Variants in ADARB2 observed in about 807,000 individuals in gnomAD.
ADARB2 encodes inactive double-stranded RNA-specific editase B2.
ADARB2 carries 25 observed loss-of-function variants against 62.2 expected under a neutral mutation model. The ratio of observed to expected loss-of-function variants is 0.40; its 90% CI spans 0.29 to 0.56. The LOEUF (loss-of-function observed/expected upper bound fraction) is 0.56, where lower values mean the gene tolerates loss of function less well. Ranked by LOEUF, ADARB2 falls within the 20% of genes least tolerant of loss-of-function variation. The pLI is 0.43. For synonymous variants in ADARB2, 572 were observed against 500.8 expected (o/e 1.14, Z -1.90); for missense variants, 1,071 against 1,077.4 (o/e 0.99, Z 0.08).
At chr10:1,710,259 A>C (rs1020792961) in intron 1 of ADARB2, among the ~76,000 whole-genome samples, 2 of 152,140 alleles carry the variant, frequency 1.3e-5, no homozygotes, top group African/African-American at 4.8e-5. Flanking sequence ...TTTCCCCCTC[A>C]TCATCTCTGA....
At chr10:1,421,240 C>G (rs1041758090) in intron 1 of ADARB2, among the ~76,000 whole-genome samples, 4 of 151,764 alleles carry the variant, frequency 2.6e-5, no homozygotes, top group Non-Finnish European at 5.9e-5. Context: ...ACCTGCCCGT[C>G]GGTTCCATAG....
chr10:1,318,704 A>G (rs1831765361), intron 3 of ADARB2, among the ~76,000 whole-genome samples: 1 of 152,150 alleles, frequency 6.6e-6, no homozygotes, highest in Non-Finnish European at 1.5e-5. Context: ...TGACCTCTAA[A>G]GTGTTGTCAA....
At chr10:1,692,197 G>T (rs1304028541) in intron 1 of ADARB2, among the ~76,000 whole-genome samples, 1 of 152,218 alleles carries the variant, frequency 6.6e-6, no homozygotes, top group Non-Finnish European at 1.5e-5. Context: ...TCACCTAAAA[G>T]CATCACATGG....
rs12098285 is a variant in ADARB2, at chr10:1,230,326, A to G, written c.1513+3368T>C. On this transcript the variant is annotated intron_variant, in intron 6 of 9. Transcript: ENST00000381312. ...ATAGGAGGGAGGCAGTGCCAGCTGC[A>G]GACCTCTGGGAACAGTGCAAACTGG... is the stretch of plus-strand genomic sequence containing the variant. 1.2e-3 allele frequency among the ~76,000 whole-genome samples: 185 copies of G among 152,308 alleles called. 1 individual carries two copies. The highest frequency in any genetic ancestry group is 4.3e-3 in the African/African-American group (178 of 41,574).
chr10:1,571,211 C>T (rs1306833290), intron 1 of ADARB2, among the ~76,000 whole-genome samples: 4 of 152,048 alleles, frequency 2.6e-5, no homozygotes, highest in African/African-American at 9.7e-5. Flanking sequence ...GCAAAGGAGA[C>T]ACACACTTTA....
At chr10:1,330,556 C>A (rs999064201) in intron 3 of ADARB2, among the ~76,000 whole-genome samples, 3 of 152,160 alleles carry the variant, frequency 2.0e-5, no homozygotes, top group East Asian at 1.9e-4. Context: ...CCCCTGAGAG[C>A]AGAACTGGGG....
chr10:1,409,592 C>T (rs151215198), intron 1 of ADARB2, among the ~76,000 whole-genome samples: 218 of 143,098 alleles, frequency 1.5e-3, no homozygotes, highest in Non-Finnish European at 2.5e-3. Flanking sequence ...CTCAGTGTGC[C>T]GAGGCCTGGC....
intron 1 of ADARB2, among the ~76,000 whole-genome samples, chr10:1,542,106 C>G (rs1832440022): frequency 8.7e-5 from 3 of 34,570 alleles, no homozygotes; most frequent in Admixed American, 3.4e-4. Context: ...CGCCCAGACC[C>G]CACTCAGACG....
intron 3 of ADARB2, among the ~76,000 whole-genome samples, chr10:1,341,370 A>T (rs554488368): frequency 6.6e-6 from 1 of 150,768 alleles, no homozygotes; most frequent in Admixed American, 6.6e-5. Context: ...GATAATCAGC[A>T]TCAGCCAGAG....
chr10:1,691,462 G>A (rs1165315727), intron 1 of ADARB2, among the ~76,000 whole-genome samples: 1 of 152,108 alleles, frequency 6.6e-6, no homozygotes, highest in African/African-American at 2.4e-5. Context: ...CTTCTTCTCT[G>A]CACTTGGACC....
intron 1 of ADARB2, among the ~76,000 whole-genome samples, chr10:1,461,515 T>TA (rs57405588): frequency 0.37 from 55,045 of 150,094 alleles, 10,118 homozygotes; most frequent in Middle Eastern, 0.54. Flanking sequence ...TGCATATATA[T>TA]TTTTTTTTTT....
In ADARB2 at chr10:1,255,027, A is replaced by G. The variant is rs960234120; in HGVS notation, c.1193-12728T>C. Among the ~76,000 whole-genome samples, 1 of 152,218 alleles carries G rather than the reference A, an allele frequency of 6.6e-6. No homozygotes were observed. Among genetic ancestry groups the G allele is most frequent in the African/African-American group, 2.4e-5 (1 of 41,450 alleles). On this transcript the variant is annotated intron_variant, in intron 4 of 9. Coordinates refer to ENST00000381312, the MANE Select transcript of ADARB2 (RefSeq NM_018702.4). The surrounding 1 kb of genome is among the most constrained non-coding windows in gnomAD (Gnocchi z 4.7). ...GGATAAGCACAGTAATCACATACTC[A>G]TTAATTTCCTTATAAAATGCTCCCA...
At chr10:1,429,461 G>C (rs1011199510) in intron 1 of ADARB2, among the ~76,000 whole-genome samples, 6 of 152,144 alleles carry the variant, frequency 3.9e-5, no homozygotes, top group African/African-American at 1.4e-4. Context: ...TCAATAAGAA[G>C]ACTCCGTAAA....
chr10:1,301,747 T>C (rs1831575285), intron 3 of ADARB2, among the ~76,000 whole-genome samples: 1 of 152,260 alleles, frequency 6.6e-6, no homozygotes. Context: ...ACCTCTGGTA[T>C]AATCCTGCCA....
At chr10:1,203,441 C>T (rs1027115983) in intron 7 of ADARB2, among the ~76,000 whole-genome samples, 6 of 152,208 alleles carry the variant, frequency 3.9e-5, no homozygotes, top group South Asian at 2.1e-4. Context: ...TTTGGTTTTC[C>T]GCCGTGACGC....
intron 1 of ADARB2, among the ~76,000 whole-genome samples, chr10:1,647,345 GTATA>G (rs147713765): frequency 6.6e-6 from 1 of 152,178 alleles, no homozygotes; most frequent in Non-Finnish European, 1.5e-5. Context: ...ATGTGTGCAT[GTATA>G]TATGTGTGTG....
chr10:1,551,718 A>C (rs1256286897), intron 1 of ADARB2, among the ~76,000 whole-genome samples: 2 of 152,222 alleles, frequency 1.3e-5, no homozygotes, highest in African/African-American at 2.4e-5. Flanking sequence ...TGGCTCCAAA[A>C]TCCCCTTCCT....
Position 1,704,831 on chromosome 10 carries a change from G to A in ADARB2, c.100+32220C>T, listed in dbSNP as rs1370262277. 6.6e-6 allele frequency among the ~76,000 whole-genome samples: 1 copy of A among 152,184 alleles called. No homozygotes were observed. Among genetic ancestry groups the A allele is most frequent in the Non-Finnish European group, 1.5e-5 (1 of 68,038 alleles). The stretch of plus-strand genomic sequence containing the variant: ...GGGCAGGGAGTATTGAGAACGGTGA[G>A]CTTGCATATGCCAGCCTGAGCCTCC... On this transcript the variant is annotated intron_variant, in intron 1 of 9. Coordinates refer to ENST00000381312, the MANE Select transcript of ADARB2 (RefSeq NM_018702.4). The surrounding 1 kb of genome is among the most constrained non-coding windows in gnomAD (Gnocchi z 5.6).
intron 1 of ADARB2, among the ~76,000 whole-genome samples, chr10:1,564,787 T>TTA (rs1400969965): frequency 1.3e-5 from 2 of 151,266 alleles, no homozygotes; most frequent in African/African-American, 4.9e-5. Flanking sequence ...TTATTACCTT[T>TTA]TTTTTTTTTT....
Sources: allele counts gnomAD v4.1 joint callset (sites outside exome capture counted in the v4.1 genomes callset), GRCh38; gene constraint gnomAD v4.1.1; non-coding constraint Gnocchi (gnomAD v3.1); transcripts MANE v1.5; gene names NCBI Gene and HGNC (gene_info 2026-07-23, HGNC 2026-07-21).